Variants in LRRTM4 observed in about 807,000 individuals in gnomAD.
LRRTM4 encodes leucine-rich repeat transmembrane neuronal protein 4.
Under a neutral mutation model 47.6 loss-of-function variants are expected in LRRTM4, and 25 were observed. That is an observed-to-expected ratio of 0.53 (90% CI 0.38 to 0.73). The LOEUF is 0.73. Among genes scored for constraint, LRRTM4 ranks in the 30% least tolerant of loss-of-function variants. The pLI is 0.00. For synonymous variants in LRRTM4, 311 were observed against 269.5 expected (o/e 1.15, Z -1.51); for missense variants, 638 against 713.4 (o/e 0.89, Z 1.20).
rs566631526 is a variant in LRRTM4 at position 76,749,213 on chromosome 2, GAATTTTAA to G, written c.1552-305_1552-298del. Among the ~76,000 whole-genome samples, 24 of 152,164 alleles carry G rather than the reference GAATTTTAA, an allele frequency of 1.6e-4. No homozygotes were observed. In the South Asian group the frequency reaches 4.4e-3, roughly 28 times the overall value. Reference sequence around the variant, plus strand: ...GTTAGAAACAACCTAAATGCCCAGGGAATTTTAAAATTGATTATGTAGATCCTACATTT... The same window carrying G: ...GTTAGAAACAACCTAAATGCCCAGGGAATTGATTATGTAGATCCTACATTT... On this transcript the variant is annotated intron_variant, in intron 3 of 3. Transcript: ENST00000409884.
intron 3 of LRRTM4, among the ~76,000 whole-genome samples, chr2:76,812,695 C>CTTTCTTTCTTTCTTTCT (rs1553413499): frequency 1.0e-5 from 1 of 97,218 alleles, no homozygotes; most frequent in Non-Finnish European, 2.0e-5. Context: ...TTCTTTCTTT[C>CTTTCTTTCTTTCTTTCT]TTTTCTTTCT....
intron 3 of LRRTM4, among the ~76,000 whole-genome samples, chr2:77,118,536 G>A (rs1304547302): frequency 6.6e-6 from 1 of 151,820 alleles, no homozygotes; most frequent in Non-Finnish European, 1.5e-5. Context: ...ACAGTGCTGA[G>A]GTATCATTAT....
rs1393469592 is a variant in LRRTM4, at chr2:76,788,585, G to C, written c.1552-39669C>G. Among the ~76,000 whole-genome samples the C allele has an allele frequency of 3.3e-5, 5 of 152,310 alleles. No individual in the cohort carries two copies. In the South Asian group the frequency reaches 6.2e-4, roughly 19 times the overall value. On this transcript the variant is annotated intron_variant, in intron 3 of 3. Coordinates refer to ENST00000409884, the MANE Select transcript of LRRTM4 (RefSeq NM_001134745.3). ...TAAGAGAGATAATTTCAGAATAAGT[G>C]CAAGGAAGTTTATAATGCAAGTTTA...
intron 3 of LRRTM4, among the ~76,000 whole-genome samples, chr2:77,202,459 G>A (rs1173707412): frequency 5.3e-5 from 8 of 151,898 alleles, no homozygotes; most frequent in Non-Finnish European, 8.8e-5. Flanking sequence ...ACGCTTTAAC[G>A]TATATGTCTA....
At chr2:77,058,235 T>C (rs940073127) in intron 3 of LRRTM4, among the ~76,000 whole-genome samples, 3 of 152,128 alleles carry the variant, frequency 2.0e-5, no homozygotes, top group African/African-American at 7.2e-5. Context: ...CCTTAGTTAG[T>C]GGGTATTTTT....
chr2:77,047,452 T>C (rs1679272013), intron 3 of LRRTM4, among the ~76,000 whole-genome samples: 1 of 151,988 alleles, frequency 6.6e-6, no homozygotes. Flanking sequence ...TGTTGGTTCC[T>C]TCTGAGAGCT....
At chr2:76,968,035 A>T (rs1213880271) in intron 3 of LRRTM4, among the ~76,000 whole-genome samples, 1 of 149,886 alleles carries the variant, frequency 6.7e-6, no homozygotes, top group Non-Finnish European at 1.5e-5. Flanking sequence ...AAAAATGGAT[A>T]AAAAGATTAA....
chr2:77,321,553 G>GC (rs1553428210), intron 3 of LRRTM4, among the ~76,000 whole-genome samples: 732 of 71,300 alleles, frequency 0.01, 22 homozygotes, highest in African/African-American at 0.073. Flanking sequence ...AAATCGGGGA[G>GC]GGGGGGGGGT....
chr2:76,838,284 T>C (rs1671575969), intron 3 of LRRTM4, among the ~76,000 whole-genome samples: 1 of 152,040 alleles, frequency 6.6e-6, no homozygotes, highest in South Asian at 2.1e-4. Context: ...CTGAAGCACA[T>C]TTTCAACTAC....
At chr2:76,869,029 G>T (rs1166070513) in intron 3 of LRRTM4, among the ~76,000 whole-genome samples, 1 of 152,048 alleles carries the variant, frequency 6.6e-6, no homozygotes, top group Non-Finnish European at 1.5e-5. Flanking sequence ...AATGTAAGGT[G>T]GCCAGGCGCG....
intron 3 of LRRTM4, among the ~76,000 whole-genome samples, chr2:77,100,576 A>G (rs1378815533): frequency 2.0e-5 from 3 of 152,168 alleles, no homozygotes; most frequent in African/African-American, 7.2e-5. Flanking sequence ...AATAAAAGGT[A>G]GGGTTTCTTA....
chr2:77,460,806 TAA>T (rs145081779), intron 3 of LRRTM4, among the ~76,000 whole-genome samples: 17,441 of 152,034 alleles, frequency 0.11, 1,048 homozygotes, highest in East Asian at 0.24. Flanking sequence ...AAAAGCCCCA[TAA>T]AAAGTTTGCA....
At position 77,519,005 on chromosome 2, in the gene LRRTM4, C is replaced by T. The variant is rs752615035; in HGVS notation, c.864G>A (p.Lys288=). Residue 288 remains lysine, a synonymous_variant, in exon 3 of 4, where the codon AAG becomes AAA. Transcript: ENST00000409884. This position sits in a 1 kb window ranked among gnomAD's most constrained non-coding sequence, Gnocchi z 4.6. ...NLQKLNLDSN[K]LTNISQETVN... is the part of the protein sequence containing the mutation. ...CAGTTTCCTGTGAGATATTGGTGAG[C>T]TTGTTGGAATCCAAATTCAATTTTT... 20 of 1,611,592 alleles carry T rather than the reference C, an allele frequency of 1.2e-5. No individual in the cohort carries two copies. The highest frequency in any genetic ancestry group is 1.2e-5 in the Non-Finnish European group (14 of 1,178,794).
At chr2:77,329,485 A>G (rs909979111) in intron 3 of LRRTM4, among the ~76,000 whole-genome samples, 38 of 152,192 alleles carry the variant, frequency 2.5e-4, no homozygotes, top group Admixed American at 2.4e-3. Context: ...ATGACTGTCA[A>G]TTTTAAAGAA....
chr2:76,981,701 A>G (rs973042600), intron 3 of LRRTM4, among the ~76,000 whole-genome samples: 3 of 151,864 alleles, frequency 2.0e-5, no homozygotes, highest in Non-Finnish European at 4.4e-5. Flanking sequence ...TTATTTTGCC[A>G]GGGCTCTTCT....
At chr2:77,051,400 C>G (rs1167342491) in intron 3 of LRRTM4, among the ~76,000 whole-genome samples, 5 of 152,130 alleles carry the variant, frequency 3.3e-5, no homozygotes, top group Non-Finnish European at 7.4e-5. Context: ...ACCATTTGCA[C>G]TATGCACTTC....
chr2:77,373,599 A>G (rs1206798644), intron 3 of LRRTM4, among the ~76,000 whole-genome samples: 1 of 151,834 alleles, frequency 6.6e-6, no homozygotes, highest in Admixed American at 6.6e-5. Flanking sequence ...CCCTAATGAA[A>G]ACATCTGATA....
intron 3 of LRRTM4, among the ~76,000 whole-genome samples, chr2:77,295,138 C>G (rs1422500042): frequency 2.0e-5 from 3 of 152,054 alleles, no homozygotes; most frequent in Non-Finnish European, 4.4e-5. Flanking sequence ...ATTTAATGAG[C>G]TTTCTGGAAA....
At chr2:77,074,122 G>C (rs1680255733) in intron 3 of LRRTM4, among the ~76,000 whole-genome samples, 1 of 152,072 alleles carries the variant, frequency 6.6e-6, no homozygotes, top group South Asian at 2.1e-4. Flanking sequence ...AATTTTAAAT[G>C]TCTTAATGGA....
Sources: allele counts gnomAD v4.1 joint callset (sites outside exome capture counted in the v4.1 genomes callset), GRCh38; gene constraint gnomAD v4.1.1; non-coding constraint Gnocchi (gnomAD v3.1); transcripts MANE v1.5; gene names NCBI Gene and HGNC (gene_info 2026-07-23, HGNC 2026-07-21).